Variants in ARHGAP18 observed in about 807,000 individuals in gnomAD.
ARHGAP18 encodes rho GTPase-activating protein 18.
A neutral mutation model predicts 86.2 loss-of-function variants in ARHGAP18; 67 were observed. The ratio of observed to expected loss-of-function variants is 0.78; its 90% CI spans 0.64 to 0.95. The LOEUF is 0.95. Among genes scored for constraint, ARHGAP18 ranks in the 40% least tolerant of loss-of-function variants. The probability of loss-of-function intolerance (pLI) is 0.00; values close to 1 mark genes in which losing one functional copy is unlikely to be tolerated. For missense variants in ARHGAP18, 691 were observed against 780.4 expected (o/e 0.89, Z 1.37); for synonymous variants, 283 against 280.4 (o/e 1.01, Z -0.09).
chr6:129,588,354 G>A (rs1369959816), intron 12 of ARHGAP18, among the ~76,000 whole-genome samples: 2 of 152,178 alleles, frequency 1.3e-5, no homozygotes, highest in African/African-American at 4.8e-5. Context: ...GACCTCAAGT[G>A]ATCCACCCGC....
chr6:129,655,600 CT>C (rs201887075), intron 1 of ARHGAP18, among the ~76,000 whole-genome samples: 61 of 147,974 alleles, frequency 4.1e-4, no homozygotes, highest in Admixed American at 4.7e-4. Context: ...TTTTCTTGTT[CT>C]TTTTTTTTTA....
chr6:129,592,414 C>T (rs1006681917), intron 12 of ARHGAP18, among the ~76,000 whole-genome samples: 1 of 152,180 alleles, frequency 6.6e-6, no homozygotes, highest in Non-Finnish European at 1.5e-5. Context: ...GTGGTAGCAA[C>T]AGATTTCTTT....
chr6:129,681,170 C>T (rs932123901), intron 1 of ARHGAP18, among the ~76,000 whole-genome samples: 4 of 152,158 alleles, frequency 2.6e-5, no homozygotes, highest in African/African-American at 9.7e-5. Context: ...CTCCACCTCC[C>T]GAGTTCAAGT....
intron 1 of ARHGAP18, among the ~76,000 whole-genome samples, chr6:129,650,897 G>A (rs1773697882): frequency 6.6e-6 from 1 of 152,098 alleles, no homozygotes; most frequent in Non-Finnish European, 1.5e-5. Flanking sequence ...TCTCTGTGGG[G>A]CTGGAATAAG....
chr6:129,704,462 CA>C (rs896708508), intron 1 of ARHGAP18, among the ~76,000 whole-genome samples: 1 of 150,854 alleles, frequency 6.6e-6, no homozygotes, highest in South Asian at 2.1e-4. Flanking sequence ...AAAAAACAAA[CA>C]AAAAAAAACT....
At chr6:129,581,846 T>TAA (rs1788296107) in intron 13 of ARHGAP18, among the ~76,000 whole-genome samples, 1 of 152,086 alleles carries the variant, frequency 6.6e-6, no homozygotes, top group Non-Finnish European at 1.5e-5. Context: ...GGAAGAAATA[T>TAA]ATAAACATTT....
intron 1 of ARHGAP18, among the ~76,000 whole-genome samples, chr6:129,645,403 A>T (rs1421022895): frequency 6.6e-6 from 1 of 152,198 alleles, no homozygotes; most frequent in African/African-American, 2.4e-5. Flanking sequence ...TGCTAGATGT[A>T]ATGAAGTACA....
At chr6:129,612,011 G>T (rs917872093) in intron 7 of ARHGAP18, among the ~76,000 whole-genome samples, 20 of 152,142 alleles carry the variant, frequency 1.3e-4, no homozygotes, top group African/African-American at 4.3e-4. Context: ...TTTTTAGCTT[G>T]TTCCAAGAAA....
rs1251862287 is a variant in ARHGAP18 at position 129,600,866 on chromosome 6, C to G, written c.1366-18G>C. On this transcript the variant is annotated intron_variant, in intron 10 of 14. Coordinates refer to ENST00000368149, the MANE Select transcript of ARHGAP18 (RefSeq NM_033515.3). ...AGAAGGGCCTGAAACAGAAATGACT[C>G]TTTGAGATTTGTGTCATATATGAAG... The G allele has an allele frequency of 6.3e-7, 1 of 1,589,860 alleles. No homozygotes were observed. The highest frequency in any genetic ancestry group is 1.4e-5 in the African/African-American group (1 of 74,024).
intron 12 of ARHGAP18, among the ~76,000 whole-genome samples, chr6:129,585,196 G>T (rs1562676774): frequency 1.3e-5 from 2 of 152,034 alleles, no homozygotes; most frequent in South Asian, 4.2e-4. Flanking sequence ...GGAGGCTGAG[G>T]TAGGAGAATT....
chr6:129,634,218 T>C lies in ARHGAP18; in HGVS notation c.553-113A>G. 4 of 843,116 alleles carry C rather than the reference T, an allele frequency of 4.7e-6. No individual in the cohort carries two copies. In the South Asian group the frequency reaches 5.9e-5, roughly 13 times the overall value. 52.2% of individuals were successfully genotyped at this position (843,116 alleles called of 1,614,324 possible). ...AGTACAAGACATGTACTCAGAATTA[T>C]AACAATCACAGTGAAAAAGGGGCAC... On this transcript the variant is annotated intron_variant, in intron 3 of 14. Transcript: ENST00000368149.
intron 10 of ARHGAP18, among the ~76,000 whole-genome samples, chr6:129,604,487 C>T (rs1317083165): frequency 1.3e-5 from 2 of 152,042 alleles, no homozygotes; most frequent in Admixed American, 1.3e-4. Context: ...TTGATAGGGT[C>T]GTCAATGAGT....
At chr6:129,644,253 C>G (rs1223580723) in intron 1 of ARHGAP18, among the ~76,000 whole-genome samples, 2 of 152,182 alleles carry the variant, frequency 1.3e-5, no homozygotes, top group South Asian at 4.1e-4. Context: ...GTTTACATCT[C>G]TGTATTCCAC....
chr6:129,707,456 CTTTTATT>C (rs1774819906), intron 1 of ARHGAP18, among the ~76,000 whole-genome samples: 1 of 151,690 alleles, frequency 6.6e-6, no homozygotes, highest in Non-Finnish European at 1.5e-5. Flanking sequence ...TCTAATTTAG[CTTTTATT>C]TTTTATTTAT....
At position 129,679,356 on chromosome 6, in the gene ARHGAP18, G is replaced by T. The variant is rs138920093; in HGVS notation, c.113+30668C>A. Among the ~76,000 whole-genome samples, 826 of 152,194 alleles carry T rather than the reference G, an allele frequency of 5.4e-3. 6 individuals are homozygous for T. The highest frequency in any genetic ancestry group is 0.019 in the African/African-American group (784 of 41,520). On this transcript the variant is annotated intron_variant, in intron 1 of 14. Transcript: ENST00000368149. Reference sequence around the variant, plus strand: ...TATCACCAACTTGATATTTTTCCCTGGCAAGAACATAAAAAGAATAGGGAG... The same window carrying T: ...TATCACCAACTTGATATTTTTCCCTTGCAAGAACATAAAAAGAATAGGGAG...
At chr6:129,651,613 T>C (rs911723432) in intron 1 of ARHGAP18, among the ~76,000 whole-genome samples, 1 of 152,134 alleles carries the variant, frequency 6.6e-6, no homozygotes, top group African/African-American at 2.4e-5. Context: ...CTTTCCAGCA[T>C]AGGCCTCCAG....
intron 1 of ARHGAP18, among the ~76,000 whole-genome samples, chr6:129,657,931 TACGGTC>T (rs1393178663): frequency 1.3e-5 from 2 of 152,238 alleles, no homozygotes; most frequent in Admixed American, 1.3e-4. Context: ...AATCATAGTA[TACGGTC>T]ACTCATCTTA....
intron 1 of ARHGAP18, among the ~76,000 whole-genome samples, chr6:129,667,559 G>C (rs2114524534): frequency 6.6e-6 from 1 of 151,274 alleles, no homozygotes; most frequent in Middle Eastern, 3.4e-3. Context: ...GGTACCTAAA[G>C]AGAATTCCTG....
At position 129,616,229 on chromosome 6, in the gene ARHGAP18, G is replaced by T. The variant is rs775517266; in HGVS notation, c.1027C>A (p.Pro343Thr). ...DQRKVPGMRI[P>T]LIFQKLISRI... ...CTACCTACTTTTTGAAAGATCAAGG[G>T]TATTCGCATTCCTGGTACTTTCCTC... is the stretch of plus-strand genomic sequence containing the variant. The change falls in exon 7 of 15, where the codon CCC (proline) becomes ACC (threonine). Residue 343 changes from proline (P) to threonine (T), a missense_variant. By Grantham distance (38) the Pro-to-Thr change is conservative. Coordinates refer to ENST00000368149, the MANE Select transcript of ARHGAP18 (RefSeq NM_033515.3). 2 of 1,610,944 alleles carry T rather than the reference G, an allele frequency of 1.2e-6. No individual in the cohort carries two copies. The highest frequency in any genetic ancestry group is 1.1e-5 in the South Asian group (1 of 90,346).
Sources: gnomAD v4.1 joint callset for allele counts (sites outside exome capture counted in the v4.1 genomes callset) on GRCh38, gnomAD v4.1.1 for gene constraint, MANE v1.5 for transcripts, NCBI Gene and HGNC (gene_info 2026-07-23, HGNC 2026-07-21) for gene names.